OR4K1: variants seen among roughly 807,000 people sequenced by gnomAD.
OR4K1 encodes the protein olfactory receptor 4K1.
In OR4K1, 16 loss-of-function variants were observed where a neutral mutation model predicts 14.4. The ratio of observed to expected loss-of-function variants is 1.11; its 90% confidence interval spans 0.75 to 1.68. The LOEUF is 1.68. Ranked by LOEUF, OR4K1 falls within the 40% of genes most tolerant of loss-of-function variation. The pLI is 0.00. For missense variants in OR4K1, 548 were observed against 376.9 expected (o/e 1.45, Z -3.76); for synonymous variants, 181 against 133.1 (o/e 1.36, Z -2.48).
At chr14:19,920,436 C>T in the OR4K1 span, 2 of 689,426 alleles carry the variant, frequency 2.9e-6, no homozygotes, top group African/African-American at 1.8e-5. Context: ...TATTATCCAC[C>T]TATCCAGACA....
chr14:19,921,105 C>T, the OR4K1 span: 20 of 1,614,146 alleles, frequency 1.2e-5, no homozygotes, highest in Non-Finnish European at 5.1e-6. Context: ...TGTGAACCTG[C>T]CTTTTTGTGG....
chr14:19,921,244 T>C, the OR4K1 span: 1 of 1,614,194 alleles, frequency 6.2e-7, no homozygotes, highest in African/African-American at 1.3e-5. Context: ...ACTTTCTCTC[T>C]CTTGGTCAGC....
chr14:19,929,359 C>CTGTGTGTGTG (rs59130422), upstream of OR4K1, among the ~76,000 whole-genome samples: 13 of 144,374 alleles, frequency 9.0e-5, no homozygotes, highest in Admixed American at 3.5e-4. Context: ...ATATCACACT[C>CTGTGTGTGTG]TGTGTGTGTG....
intron 1 of OR4K1, among the ~76,000 whole-genome samples, chr14:19,931,599 A>G (rs1234142744): frequency 6.6e-6 from 1 of 152,260 alleles, no homozygotes; most frequent in African/African-American, 2.4e-5. Context: ...CAAGTATTAT[A>G]CATTAAAATA....
Position 19,936,588 on chromosome 14 carries a change from T to C in OR4K1, c.922T>C (p.Ser308Pro). The C allele has an allele frequency of 1.2e-6, 2 of 1,600,174 alleles. No homozygotes were observed. Among genetic ancestry groups the C allele is most frequent in the South Asian group, 1.1e-5 (1 of 89,152 alleles). Reference protein sequence around the residue: ...MWKLRNRHVNSWKN With the variant: ...MWKLRNRHVNPWKN Reference sequence around the variant, plus strand: ...GAAGCTGAGAAACCGTCATGTGAACTCCTGGAAAAACTAGGGATCATTACG... The same window carrying C: ...GAAGCTGAGAAACCGTCATGTGAACCCCTGGAAAAACTAGGGATCATTACG... The change falls in exon 2 of 2, where the codon TCC (serine) becomes CCC (proline). Residue 308 changes from serine (S) to proline (P), a missense_variant. Coordinates refer to ENST00000641172, the MANE Select transcript of OR4K1 (RefSeq NM_001004063.3).
At chr14:19,932,044 T>C (rs1352393671) in intron 1 of OR4K1, among the ~76,000 whole-genome samples, 1 of 152,246 alleles carries the variant, frequency 6.6e-6, no homozygotes, top group Non-Finnish European at 1.5e-5. Context: ...AGATATAATG[T>C]TGAACCTGAT....
chr14:19,922,524 C>A, the OR4K1 span, among the ~76,000 whole-genome samples: 12 of 152,242 alleles, frequency 7.9e-5, no homozygotes, highest in African/African-American at 1.2e-4. Context: ...GAAACTCAAC[C>A]TTGGGCAGGG....
At chr14:19,930,782 A>G (rs186250952), upstream of OR4K1, 52 of 152,372 alleles carry the variant, frequency 3.4e-4, no homozygotes, top group African/African-American at 1.2e-3. Flanking sequence ...AAACATAATT[A>G]CTCCCACTGG....
rs745515564 is a variant in OR4K1, at chr14:19,935,822, C to T, written c.156C>T (p.Asp52=). 1 of 1,614,206 alleles carries T rather than the reference C, an allele frequency of 6.2e-7. No homozygotes were observed. Among genetic ancestry groups the T allele is most frequent in the Non-Finnish European group, 8.5e-7 (1 of 1,180,022 alleles). The part of the protein sequence containing the change: ...NVLIIVIISF[D]SHLNSPMYFL... ...TAATTATTGTCATTATTTCTTTTGA[C>T]TCCCATTTGAACTCTCCTATGTACT... The change falls in exon 2 of 2, where the codon GAC becomes GAT. Residue 52 remains aspartate, a synonymous_variant. Transcript: ENST00000641172.
At chr14:19,920,727 G>C in the OR4K1 span, 1 of 1,614,074 alleles carries the variant, frequency 6.2e-7, no homozygotes, top group Non-Finnish European at 8.5e-7. Flanking sequence ...CATTGTGCTG[G>C]GAAATCTTCT....
At position 19,935,867 on chromosome 14, in the gene OR4K1, T is replaced by G; in HGVS notation, c.201T>G (p.Ser67=). ...SPMYFLLSNL[S]FIDICQSNFA... ...TGTACTTCTTGCTCAGTAATCTTTC[T>G]TTCATTGATATCTGTCAGTCTAACT... Residue 67 remains serine, a synonymous_variant, in exon 2 of 2, where the codon TCT becomes TCG. Transcript: ENST00000641172. The G allele has an allele frequency of 6.2e-7, 1 of 1,614,272 alleles. No individual in the cohort carries two copies. Among genetic ancestry groups the G allele is most frequent in the Non-Finnish European group, 8.5e-7 (1 of 1,180,048 alleles).
upstream of OR4K1, among the ~76,000 whole-genome samples, chr14:19,927,743 G>A (rs1265500847): frequency 1.3e-5 from 2 of 152,198 alleles, no homozygotes; most frequent in Admixed American, 6.5e-5. Flanking sequence ...CTGAAGGGGG[G>A]GTAGTGATTT....
chr14:19,921,510 G>T, the OR4K1 span: 1 of 1,613,948 alleles, frequency 6.2e-7, no homozygotes, highest in Non-Finnish European at 8.5e-7. Context: ...AAGGAAAATT[G>T]TGAACCATTA....
At chr14:19,931,436 A>G (rs1882182213) in intron 1 of OR4K1, 1 of 152,296 alleles carries the variant, frequency 6.6e-6, no homozygotes, top group Admixed American at 6.5e-5. Context: ...TGACCCATTT[A>G]TGCTTTCTGT....
At chr14:19,926,302 T>C (rs1882062858), upstream of OR4K1, among the ~76,000 whole-genome samples, 1 of 152,248 alleles carries the variant, frequency 6.6e-6, no homozygotes, top group Non-Finnish European at 1.5e-5. Flanking sequence ...TGAACATTTA[T>C]AGTTTGTTCA....
Position 19,936,219 on chromosome 14 carries a change from A to G in OR4K1, c.553A>G (p.Ile185Val). 4.3e-6 allele frequency: 7 copies of G among 1,614,212 alleles called. No individual in the cohort carries two copies. In the South Asian group the frequency reaches 7.7e-5, roughly 18 times the overall value. ...DSFFCDLPLV[I>V]ELACMDTYEM... ...CTTCTTTTGTGACCTTCCCTTGGTG[A>G]TAGAGCTGGCTTGCATGGATACATA... The change falls in exon 2 of 2, where the codon ATA (isoleucine) becomes GTA (valine). Residue 185 changes from isoleucine to valine, a missense_variant. Coordinates refer to ENST00000641172, the MANE Select transcript of OR4K1 (RefSeq NM_001004063.3).
chr14:19,928,342 A>C (rs1882105643), upstream of OR4K1, among the ~76,000 whole-genome samples: 1 of 152,112 alleles, frequency 6.6e-6, no homozygotes, highest in Non-Finnish European at 1.5e-5. Flanking sequence ...TCTTGCTTCT[A>C]TGGCTAGAAC....
chr14:19,921,683 G>C, the OR4K1 span: 2 of 1,196,096 alleles, frequency 1.7e-6, no homozygotes, highest in Non-Finnish European at 2.3e-6. Context: ...AGATAATATA[G>C]AGAACATTTA....
chr14:19,923,456 G>A, the OR4K1 span, among the ~76,000 whole-genome samples: 1 of 152,084 alleles, frequency 6.6e-6, no homozygotes, highest in Non-Finnish European at 1.5e-5. Flanking sequence ...TCAGGATTTT[G>A]TTGTAATTGC....
Sources: gnomAD v4.1 joint callset for allele counts (sites outside exome capture counted in the v4.1 genomes callset) on GRCh38, gnomAD v4.1.1 for gene constraint, MANE v1.5 for transcripts, NCBI Gene and HGNC (gene_info 2026-07-23, HGNC 2026-07-21) for gene names.